Variants in CSMD1 observed in about 807,000 individuals in gnomAD.
The protein encoded by CSMD1 is CUB and sushi domain-containing protein 1.
Under a neutral mutation model 417.5 loss-of-function variants are expected in CSMD1, and 213 were observed. That is an observed-to-expected ratio of 0.51 (90% CI 0.46 to 0.57). The LOEUF (loss-of-function observed/expected upper bound fraction) is 0.57, where lower values mean the gene tolerates loss of function less well. Ranked by LOEUF, CSMD1 falls within the 20% of genes least tolerant of loss-of-function variation. The pLI is 0.00. For missense variants in CSMD1, 6,923 were observed against 4,529.7 expected (o/e 1.53, Z -15.17); for synonymous variants, 2,862 against 1,736.8 (o/e 1.65, Z -16.11).
chr8:3,813,754 G>T (rs1278969339), intron 5 of CSMD1, among the ~76,000 whole-genome samples: 1 of 152,128 alleles, frequency 6.6e-6, no homozygotes, highest in Non-Finnish European at 1.5e-5. Flanking sequence ...AGGTATGAGG[G>T]ATCAAGAAGC....
intron 3 of CSMD1, among the ~76,000 whole-genome samples, chr8:4,412,516 C>G (rs1401961849): frequency 6.6e-6 from 1 of 152,120 alleles, no homozygotes; most frequent in Non-Finnish European, 1.5e-5. Flanking sequence ...ACCAATTACA[C>G]CTATTTTATC....
At chr8:3,972,722 G>A (rs943759481) in intron 5 of CSMD1, among the ~76,000 whole-genome samples, 1 of 152,108 alleles carries the variant, frequency 6.6e-6, no homozygotes, top group African/African-American at 2.4e-5. Flanking sequence ...ACTACTTGTG[G>A]GAGTAAACAC....
intron 7 of CSMD1, among the ~76,000 whole-genome samples, chr8:3,667,438 G>A (rs755802544): frequency 9.9e-5 from 15 of 151,230 alleles, no homozygotes; most frequent in Admixed American, 3.9e-4. Flanking sequence ...TTGGATAGCA[G>A]CCATTGGCAA....
intron 49 of CSMD1, among the ~76,000 whole-genome samples, chr8:3,073,601 C>A (rs1870615): frequency 0.15 from 22,195 of 152,092 alleles, 1,815 homozygotes; most frequent in African/African-American, 0.24. Context: ...ATAGAGAGGA[C>A]TTTTCTAGGC....
intron 33 of CSMD1, among the ~76,000 whole-genome samples, chr8:3,195,658 C>T (rs1796665370): frequency 1.3e-5 from 2 of 152,076 alleles, no homozygotes; most frequent in African/African-American, 2.4e-5. Context: ...GGTACAAGAC[C>T]AGGGAATTTA....
rs73661133 is a variant in CSMD1, at chr8:4,790,215, G to C, written c.86-152657C>G. Among the ~76,000 whole-genome samples, 475 of 152,104 alleles carry C rather than the reference G, an allele frequency of 3.1e-3. 2 individuals carry two copies. The highest frequency in any genetic ancestry group is 9.6e-3 in the African/African-American group (398 of 41,472). On this transcript the variant is annotated intron_variant, in intron 1 of 69. Coordinates refer to ENST00000635120, the MANE Select transcript of CSMD1 (RefSeq NM_033225.6). ...TCCAAGCTGAGAGCCAAATCTGAGA[G>C]CACAACACATTCAAAATAGCCATAA...
chr8:3,368,278 T>C (rs888001625), intron 19 of CSMD1, among the ~76,000 whole-genome samples: 1 of 152,182 alleles, frequency 6.6e-6, no homozygotes, highest in Non-Finnish European at 1.5e-5. Context: ...CGGGTTCAAA[T>C]CTATGTGAAA....
At chr8:4,701,693 A>T (rs971735564) in intron 1 of CSMD1, among the ~76,000 whole-genome samples, 4 of 152,214 alleles carry the variant, frequency 2.6e-5, no homozygotes, top group African/African-American at 9.6e-5. Context: ...CCTTAAAAAA[A>T]AAAGTAGAGT....
At chr8:3,130,578 C>A (rs991131455) in intron 41 of CSMD1, among the ~76,000 whole-genome samples, 1 of 152,180 alleles carries the variant, frequency 6.6e-6, no homozygotes, top group Non-Finnish European at 1.5e-5. Context: ...GGCCCCCTGA[C>A]CCGGGGAAGC....
intron 3 of CSMD1, among the ~76,000 whole-genome samples, chr8:4,054,136 C>G (rs1798572668): frequency 6.6e-6 from 1 of 152,156 alleles, no homozygotes; most frequent in African/African-American, 2.4e-5. Context: ...CCACTTTTTT[C>G]TATGTAAGTA....
chr8:3,973,599 G>C (rs1459381883), intron 5 of CSMD1, among the ~76,000 whole-genome samples: 15 of 152,150 alleles, frequency 9.9e-5, no homozygotes, highest in Non-Finnish European at 1.6e-4. Context: ...AAAAGGGAAA[G>C]AGAAACAATT....
At chr8:3,874,751 C>T (rs1805701712) in intron 5 of CSMD1, among the ~76,000 whole-genome samples, 1 of 152,088 alleles carries the variant, frequency 6.6e-6, no homozygotes, top group Non-Finnish European at 1.5e-5. Flanking sequence ...TGAGAACATA[C>T]CATGTCTGTG....
intron 54 of CSMD1, among the ~76,000 whole-genome samples, chr8:2,993,959 C>A (rs1244852269): frequency 3.4e-5 from 5 of 148,072 alleles, no homozygotes; most frequent in Non-Finnish European, 7.4e-5. Context: ...GCCTGACCCA[C>A]ATGGTGAAAC....
intron 1 of CSMD1, among the ~76,000 whole-genome samples, chr8:4,725,777 A>G (rs963186344): frequency 6.6e-6 from 1 of 152,060 alleles, no homozygotes; most frequent in African/African-American, 2.4e-5. Flanking sequence ...GTTACACAGG[A>G]TTTGCGCTGC....
At chr8:2,980,942 G>A (rs946435149) in intron 54 of CSMD1, among the ~76,000 whole-genome samples, 7 of 152,126 alleles carry the variant, frequency 4.6e-5, no homozygotes, top group Non-Finnish European at 1.5e-5. Context: ...CCCCATGTGG[G>A]GAAACTCAGT....
chr8:4,177,871 C>G (rs952938166), intron 3 of CSMD1, among the ~76,000 whole-genome samples: 8 of 151,732 alleles, frequency 5.3e-5, no homozygotes, highest in Admixed American at 2.6e-4. Context: ...TCTCCCAAGA[C>G]TAAACCAGGA....
chr8:4,870,804 G>GA (rs1254639324), intron 1 of CSMD1, among the ~76,000 whole-genome samples: 2 of 152,140 alleles, frequency 1.3e-5, no homozygotes, highest in African/African-American at 4.8e-5. Flanking sequence ...CACCGAGGAA[G>GA]AAAGAGCGAG....
chr8:4,715,387 A>G (rs758042218), intron 1 of CSMD1, among the ~76,000 whole-genome samples: 2 of 152,230 alleles, frequency 1.3e-5, no homozygotes, highest in East Asian at 1.9e-4. Flanking sequence ...TGAATATAAT[A>G]TAAACATGTA....
At chr8:3,895,488 T>G (rs765984780) in intron 5 of CSMD1, among the ~76,000 whole-genome samples, 2 of 152,056 alleles carry the variant, frequency 1.3e-5, no homozygotes, top group Non-Finnish European at 2.9e-5. Flanking sequence ...TCAATATTAT[T>G]AGGCCTATTA....
Sources: gnomAD v4.1 joint callset for allele counts (sites outside exome capture counted in the v4.1 genomes callset) on GRCh38, gnomAD v4.1.1 for gene constraint, MANE v1.5 for transcripts, NCBI Gene and HGNC (gene_info 2026-07-23, HGNC 2026-07-21) for gene names.